Variants in GAB2 observed in about 807,000 individuals in gnomAD.
GAB2 encodes the protein GRB2 associated binding protein 2.
A neutral mutation model predicts 65.5 loss-of-function variants in GAB2; 26 were observed. The observed-to-expected ratio is 0.40, with a 90% CI of 0.29 to 0.55. The LOEUF is 0.55. Ranked by LOEUF, GAB2 falls within the 20% of genes least tolerant of loss-of-function variation. GAB2 has a pLI of 0.53. For synonymous variants in GAB2, 321 were observed against 329.6 expected (o/e 0.97, Z 0.28); for missense variants, 884 against 875.8 (o/e 1.01, Z -0.12).
At chr11:78,353,957 C>T (rs927543536) in intron 1 of GAB2, among the ~76,000 whole-genome samples, 1 of 152,212 alleles carries the variant, frequency 6.6e-6, no homozygotes, top group Non-Finnish European at 1.5e-5. Flanking sequence ...ACTGAAGGCT[C>T]CCAGCCTAGA....
At chr11:78,316,156 C>T (rs1484621631) in intron 1 of GAB2, among the ~76,000 whole-genome samples, 1 of 152,050 alleles carries the variant, frequency 6.6e-6, no homozygotes, top group Non-Finnish European at 1.5e-5. Flanking sequence ...GGTGTCCTGC[C>T]TTTGGGACTG....
chr11:78,272,699 T>A (rs1044844393), intron 2 of GAB2, among the ~76,000 whole-genome samples: 1 of 152,210 alleles, frequency 6.6e-6, no homozygotes, highest in Non-Finnish European at 1.5e-5. Flanking sequence ...CTGCAGAAAT[T>A]TGCATAAGTA....
chr11:78,406,991 G>A (rs1323108585), intron 1 of GAB2, among the ~76,000 whole-genome samples: 2 of 152,020 alleles, frequency 1.3e-5, no homozygotes, highest in African/African-American at 4.8e-5. Context: ...AGAATAGTGA[G>A]GACAGAGAAA....
intron 1 of GAB2, among the ~76,000 whole-genome samples, chr11:78,321,866 A>G (rs986233663): frequency 4.2e-5 from 6 of 142,620 alleles, no homozygotes; most frequent in Non-Finnish European, 9.1e-5. Context: ...GATATTTGAC[A>G]AAGTTAAAAA....
chr11:78,234,552 T>C (rs1342198461), intron 3 of GAB2, among the ~76,000 whole-genome samples: 3 of 148,700 alleles, frequency 2.0e-5, no homozygotes, highest in Non-Finnish European at 4.5e-5. Flanking sequence ...CATTGGCATC[T>C]ATATATTTAT....
chr11:78,416,126 C>T (rs1442435240), intron 1 of GAB2, among the ~76,000 whole-genome samples: 1 of 151,966 alleles, frequency 6.6e-6, no homozygotes, highest in African/African-American at 2.4e-5. Context: ...ACTGATACAA[C>T]CCTGAAGAGG....
intron 2 of GAB2, among the ~76,000 whole-genome samples, chr11:78,277,565 T>C (rs748077281): frequency 1.8e-4 from 28 of 152,198 alleles, no homozygotes; most frequent in Non-Finnish European, 3.1e-4. Context: ...TGAGGCAAAA[T>C]GGTCGAGTTT....
At chr11:78,315,098 A>G (rs185125470) in intron 1 of GAB2, among the ~76,000 whole-genome samples, 296 of 152,340 alleles carry the variant, frequency 1.9e-3, no homozygotes, top group Non-Finnish European at 2.6e-3. Context: ...TGAAGGAGCT[A>G]ATTGAGAGAG....
At chr11:78,338,917 G>T (rs1292427436) in intron 1 of GAB2, among the ~76,000 whole-genome samples, 1 of 151,868 alleles carries the variant, frequency 6.6e-6, no homozygotes, top group Non-Finnish European at 1.5e-5. Context: ...CTGATTCCCT[G>T]TACACCCCCA....
Position 78,226,765 on chromosome 11 carries a change from A to G in GAB2, c.907T>C (p.Cys303Arg). 1.9e-6 allele frequency: 3 copies of G among 1,614,052 alleles called. No homozygotes were observed. Among genetic ancestry groups the G allele is most frequent in the Admixed American group, 1.7e-5 (1 of 60,006 alleles). The change falls in exon 4 of 10, where the codon TGC (cysteine) becomes CGC (arginine). Residue 303 changes from cysteine (C) to arginine (R), a missense_variant. Transcript: ENST00000361507. ...ACCAGGAGGTCCCCGAACTCCCTGC[A>G]CAGGGTGTTGCTGGGCGTCTTGAAG... ...YTFKTPSNTL[C>R]REFGDLLVDN...
rs544550340 is a variant in GAB2, at chr11:78,231,330, G to A, written c.621-4279C>T. Among the ~76,000 whole-genome samples, 635 of 103,226 alleles carry A rather than the reference G, an allele frequency of 6.2e-3. 5 individuals are homozygous for A. The highest frequency in any genetic ancestry group is 8.6e-3 in the Non-Finnish European group (457 of 53,104). The allele number at this position is 103,226 out of a possible 152,430, so 67.7% of individuals were successfully genotyped here. A position where few individuals can be genotyped will look rare whatever the true frequency, so the allele number is the denominator to read the frequency against. Reference sequence around the variant, plus strand: ...TCTCTCCCTTGGTGCGCGCGCGCGCGTGTGTGGTGTGTGTGTGTGTGTGTG... The same window carrying A: ...TCTCTCCCTTGGTGCGCGCGCGCGCATGTGTGGTGTGTGTGTGTGTGTGTG... On this transcript the variant is annotated intron_variant, in intron 3 of 9. Coordinates refer to ENST00000361507, the MANE Select transcript of GAB2 (RefSeq NM_080491.3).
chr11:78,237,978 G>A (rs1338354464), intron 3 of GAB2, among the ~76,000 whole-genome samples: 2 of 152,164 alleles, frequency 1.3e-5, no homozygotes, highest in Non-Finnish European at 2.9e-5. Context: ...GCTGAACAAT[G>A]AGAACACATG....
intron 1 of GAB2, among the ~76,000 whole-genome samples, chr11:78,358,468 T>C (rs1335250940): frequency 1.5e-5 from 2 of 135,960 alleles, no homozygotes; most frequent in African/African-American, 5.8e-5. Flanking sequence ...ATAATAATAA[T>C]AATAATAAAG....
At chr11:78,416,751 A>C (rs1857201407) in intron 1 of GAB2, among the ~76,000 whole-genome samples, 1 of 150,064 alleles carries the variant, frequency 6.7e-6, no homozygotes, top group Non-Finnish European at 1.5e-5. Context: ...TGACCTCACC[A>C]GGCAAGGCAT....
chr11:78,278,479 C>T (rs1336927566), intron 2 of GAB2, among the ~76,000 whole-genome samples: 1 of 151,018 alleles, frequency 6.6e-6, no homozygotes, highest in Non-Finnish European at 1.5e-5. Flanking sequence ...CTCCTGAGTT[C>T]AAGCAATTCT....
At chr11:78,303,377 T>A (rs547196192) in intron 1 of GAB2, among the ~76,000 whole-genome samples, 1 of 152,328 alleles carries the variant, frequency 6.6e-6, no homozygotes, top group African/African-American at 2.4e-5. Flanking sequence ...TTCAATTTTT[T>A]TACACATGGA....
intron 1 of GAB2, among the ~76,000 whole-genome samples, chr11:78,376,135 C>T (rs747630786): frequency 6.6e-6 from 1 of 152,142 alleles, no homozygotes; most frequent in Non-Finnish European, 1.5e-5. Context: ...ACTGTTTCTT[C>T]CTTAGAACTT....
intron 1 of GAB2, among the ~76,000 whole-genome samples, chr11:78,384,995 T>C (rs1485935046): frequency 6.6e-6 from 1 of 152,166 alleles, no homozygotes; most frequent in Non-Finnish European, 1.5e-5. Context: ...TACAATGATG[T>C]AATGCAGGAT....
At chr11:78,416,550 T>C (rs568372730) in intron 1 of GAB2, among the ~76,000 whole-genome samples, 1 of 152,320 alleles carries the variant, frequency 6.6e-6, no homozygotes, top group South Asian at 2.1e-4. Flanking sequence ...AACGGCTCCC[T>C]TCCAGGCTGT....
Sources: gnomAD v4.1 joint callset for allele counts (sites outside exome capture counted in the v4.1 genomes callset) on GRCh38, gnomAD v4.1.1 for gene constraint, MANE v1.5 for transcripts, NCBI Gene and HGNC (gene_info 2026-07-23, HGNC 2026-07-21) for gene names.